Variants in ZNF407 observed in about 807,000 individuals in gnomAD.
ZNF407 encodes the protein zinc finger protein 407.
In ZNF407, 17 loss-of-function variants were observed where a neutral mutation model predicts 131.2. The ratio of observed to expected loss-of-function variants is 0.13; its 90% CI spans 0.09 to 0.19. The LOEUF is 0.19. ZNF407 is among the 10% of genes least tolerant of loss of function. The pLI, the probability that ZNF407 is intolerant of heterozygous loss-of-function variation, is 1.00. For synonymous variants in ZNF407, 1,156 were observed against 1,062.0 expected, an observed-to-expected ratio of 1.09 and a Z score of -1.72; for missense variants, 2,681 against 2,830.6, an observed-to-expected ratio of 0.95 and a Z score of 1.20.
intron 4 of ZNF407, among the ~76,000 whole-genome samples, chr18:74,793,890 G>T (rs950149619): frequency 6.6e-6 from 1 of 152,180 alleles, no homozygotes; most frequent in African/African-American, 2.4e-5. Flanking sequence ...CTCAAATGGG[G>T]TGTCTCTCAG....
At chr18:74,962,400 T>A (rs1972356209) in intron 8 of ZNF407, among the ~76,000 whole-genome samples, 1 of 152,248 alleles carries the variant, frequency 6.6e-6, no homozygotes, top group African/African-American at 2.4e-5. Flanking sequence ...GTCAGATGCA[T>A]ACTGACATGG....
At chr18:74,783,016 T>C (rs1167084592) in intron 4 of ZNF407, among the ~76,000 whole-genome samples, 2 of 152,200 alleles carry the variant, frequency 1.3e-5, no homozygotes, top group Non-Finnish European at 2.9e-5. Flanking sequence ...CTATACTATA[T>C]TTTTAAAAGA....
intron 8 of ZNF407, among the ~76,000 whole-genome samples, chr18:75,042,150 C>G (rs956956616): frequency 6.6e-6 from 1 of 152,030 alleles, no homozygotes; most frequent in Admixed American, 6.6e-5. Context: ...GTCCTCCCAC[C>G]TTGGCCTCCC....
intron 4 of ZNF407, among the ~76,000 whole-genome samples, chr18:74,841,305 G>A (rs1970629591): frequency 6.6e-6 from 1 of 152,164 alleles, no homozygotes; most frequent in South Asian, 2.1e-4. Flanking sequence ...CTGCATATTA[G>A]TTCCTCACTC....
At position 74,634,445 on chromosome 18, in the gene ZNF407, C is replaced by T; in HGVS notation, c.3426C>T (p.Leu1142=). 6.2e-7 allele frequency: 1 copy of T among 1,613,628 alleles called. No homozygotes were observed. Among genetic ancestry groups the T allele is most frequent in the Non-Finnish European group, 8.5e-7 (1 of 1,179,860 alleles). ...CTAATTTAGATATGTCTAAAGTGCT[C>T]TGCGCTGCTGACTCTGTAGAAGTTG... ...ENTNLDMSKV[L]CAADSVEVET... The change falls in exon 2 of 9, where the codon CTC becomes CTT. Residue 1142 remains leucine, a synonymous_variant. Transcript: ENST00000299687.
intron 6 of ZNF407, among the ~76,000 whole-genome samples, chr18:74,885,328 G>GT (rs1971293514): frequency 6.6e-6 from 1 of 152,132 alleles, no homozygotes; most frequent in African/African-American, 2.4e-5. Flanking sequence ...TGGTGGAAAC[G>GT]TCAGAACACT....
At chr18:74,877,135 C>G (rs947849139) in intron 4 of ZNF407, 62 bp from the exon 5 acceptor site, 2 of 1,511,502 alleles carry the variant, frequency 1.3e-6, no homozygotes, top group Admixed American at 1.7e-5. Flanking sequence ...CACGCGCTGC[C>G]TGGGGCCTTC....
chr18:74,841,771 G>A (rs1027381100), intron 4 of ZNF407, among the ~76,000 whole-genome samples: 2 of 152,242 alleles, frequency 1.3e-5, no homozygotes, highest in East Asian at 1.9e-4. Context: ...AGGAAATTCC[G>A]TGATGAAACT....
At chr18:74,712,227 T>C (rs1242349514) in intron 3 of ZNF407, among the ~76,000 whole-genome samples, 3 of 152,160 alleles carry the variant, frequency 2.0e-5, no homozygotes, top group Non-Finnish European at 4.4e-5. Context: ...GAATTAGAAG[T>C]CTTGGGTTCA....
intron 3 of ZNF407, among the ~76,000 whole-genome samples, chr18:74,738,101 C>A (rs1239086374): frequency 6.6e-6 from 1 of 152,030 alleles, no homozygotes; most frequent in Non-Finnish European, 1.5e-5. Context: ...TGTGCACTGT[C>A]TTTTCTATAT....
At chr18:75,026,114 A>G (rs769520316) in intron 8 of ZNF407, among the ~76,000 whole-genome samples, 5 of 149,290 alleles carry the variant, frequency 3.3e-5, no homozygotes, top group Non-Finnish European at 3.0e-5. Flanking sequence ...AGAAAATGCG[A>G]CAATATTCTG....
chr18:74,723,339 C>G (rs1379576569), intron 3 of ZNF407, among the ~76,000 whole-genome samples: 1 of 152,118 alleles, frequency 6.6e-6, no homozygotes, highest in East Asian at 1.9e-4. Flanking sequence ...CTGGCTCTTG[C>G]TATGTAGAAT....
At chr18:74,794,143 G>A (rs1000575965) in intron 4 of ZNF407, among the ~76,000 whole-genome samples, 11 of 152,198 alleles carry the variant, frequency 7.2e-5, no homozygotes, top group Admixed American at 7.2e-4. Context: ...TTCTCTCCGG[G>A]TGAGAACAGT....
At chr18:74,699,322 T>C (rs1457841) in intron 3 of ZNF407, among the ~76,000 whole-genome samples, 103,025 of 152,016 alleles carry the variant, frequency 0.68, 36,336 homozygotes, top group East Asian at 0.86. Context: ...TTATCCTCAT[T>C]TTTATGAAAA....
intron 8 of ZNF407, among the ~76,000 whole-genome samples, chr18:74,932,944 G>A (rs76360749): frequency 0.011 from 1,613 of 152,310 alleles, 27 homozygotes; most frequent in African/African-American, 0.036. Flanking sequence ...CGCTGCTGAA[G>A]CGAATGTACA....
chr18:74,873,759 C>T (rs889006957), intron 4 of ZNF407, among the ~76,000 whole-genome samples: 5 of 151,698 alleles, frequency 3.3e-5, no homozygotes, highest in Admixed American at 6.6e-5. Context: ...AGAAGACTAA[C>T]TCGTAATTGA....
chr18:74,768,881 C>A (rs1163640960), intron 3 of ZNF407, among the ~76,000 whole-genome samples: 1 of 152,122 alleles, frequency 6.6e-6, no homozygotes, highest in Non-Finnish European at 1.5e-5. Flanking sequence ...CCTCTTTTAT[C>A]CTGGAAGGAT....
chr18:74,829,997 C>T (rs951758768), intron 4 of ZNF407, among the ~76,000 whole-genome samples: 1 of 152,002 alleles, frequency 6.6e-6, no homozygotes, highest in African/African-American at 2.4e-5. Context: ...GGGAGGGACC[C>T]TATTTTGATG....
Position 74,681,233 on chromosome 18 carries a change from A to AT in ZNF407, c.4802+40122dup, listed in dbSNP as rs911770529. 2.4e-3 allele frequency among the ~76,000 whole-genome samples: 351 copies of AT among 147,632 alleles called. 2 individuals are homozygous for AT. The highest frequency in any genetic ancestry group is 6.0e-3 in the African/African-American group (241 of 40,446). On this transcript the variant is annotated intron_variant, in intron 3 of 8. Transcript: ENST00000299687. ...TTGTTACATCTGTTTTTCTTGACTG[A>AT]TTTTTTTTTTTATTTTAAATGAGAT...
Sources: gnomAD v4.1 joint callset for allele counts (sites outside exome capture counted in the v4.1 genomes callset) on GRCh38, gnomAD v4.1.1 for gene constraint, MANE v1.5 for transcripts, NCBI Gene and HGNC (gene_info 2026-07-23, HGNC 2026-07-21) for gene names.